Variants in CDH7 observed in about 807,000 individuals in gnomAD.
The protein encoded by CDH7 is cadherin-7.
Under a neutral mutation model 71.8 loss-of-function variants are expected in CDH7, and 25 were observed. The observed-to-expected ratio is 0.35, with a 90% CI of 0.25 to 0.49. The LOEUF (loss-of-function observed/expected upper bound fraction) is 0.49, where lower values mean the gene tolerates loss of function less well. CDH7 is among the 20% of genes least tolerant of loss of function. The pLI is 0.99. For missense variants in CDH7, 862 were observed against 974.6 expected, an observed-to-expected ratio of 0.88 and a Z score of 1.54; for synonymous variants, 381 against 363.8, an observed-to-expected ratio of 1.05 and a Z score of -0.54.
At chr18:65,837,994 G>T (rs1300504518) in intron 6 of CDH7, among the ~76,000 whole-genome samples, 3 of 144,558 alleles carry the variant, frequency 2.1e-5, no homozygotes, top group African/African-American at 7.8e-5. Context: ...GTACAATCTC[G>T]GCTCACTGCA....
chr18:65,826,730 T>C (rs1242184593), intron 6 of CDH7, among the ~76,000 whole-genome samples: 7 of 151,476 alleles, frequency 4.6e-5, no homozygotes, highest in African/African-American at 7.2e-5. Flanking sequence ...AAAAGAGTTA[T>C]TCAAAGGCCA....
chr18:65,880,469 G>A lies in CDH7; in HGVS notation c.1933G>A (p.Asp645Asn). The change falls in exon 12 of 12, where the codon GAC becomes AAC. Residue 645 changes from aspartate to asparagine, a missense_variant. Coordinates refer to ENST00000397968, the MANE Select transcript of CDH7 (RefSeq NM_004361.5). ...KEPLIFDEER[D>N]IRENIVRYDD... ...GCCCCTTATTTTTGACGAAGAAAGA[G>A]ACATCAGAGAAAATATTGTGAGATA... 6.3e-7 allele frequency: 1 copy of A among 1,589,942 alleles called. No homozygotes were observed. The highest frequency in any genetic ancestry group is 8.5e-7 in the Non-Finnish European group (1 of 1,173,098).
intron 2 of CDH7, among the ~76,000 whole-genome samples, chr18:65,801,890 G>A (rs1002777770): frequency 6.6e-6 from 1 of 152,192 alleles, no homozygotes; most frequent in African/African-American, 2.4e-5. Context: ...AATGGACAAA[G>A]CAGTGTAGTG....
At position 65,882,298 on chromosome 18, in the gene CDH7, T is replaced by C. The variant is rs574825408; in HGVS notation, c.*1404T>C. On this transcript the variant is annotated 3_prime_UTR_variant, in exon 12 of 12. Coordinates refer to ENST00000397968, the MANE Select transcript of CDH7 (RefSeq NM_004361.5). ...AGTATGACTTTCATGACCAAAATGA[T>C]GTTTCTACCTATTATTTTTCCTAGA... 29 of 152,264 alleles carry C rather than the reference T, an allele frequency of 1.9e-4. No individual in the cohort carries two copies. The highest frequency in any genetic ancestry group is 6.3e-4 in the African/African-American group (26 of 41,570). 9.4% of individuals were successfully genotyped at this position (152,264 alleles called of 1,614,324 possible). A position where few individuals can be genotyped will look rare whatever the true frequency, so the allele number is the denominator to read the frequency against.
At chr18:65,802,763 C>T (rs977321909) in intron 2 of CDH7, among the ~76,000 whole-genome samples, 2 of 152,148 alleles carry the variant, frequency 1.3e-5, no homozygotes, top group Non-Finnish European at 1.5e-5. Context: ...AGTTGTGGAT[C>T]TGGTCTGGAG....
At chr18:65,850,909 T>G (rs570185193) in intron 7 of CDH7, among the ~76,000 whole-genome samples, 1 of 151,278 alleles carries the variant, frequency 6.6e-6, no homozygotes, top group East Asian at 1.9e-4. Flanking sequence ...CCTTCTGGGC[T>G]CAGGTGATCC....
intron 2 of CDH7, among the ~76,000 whole-genome samples, chr18:65,802,622 C>A (rs1911165946): frequency 6.6e-6 from 1 of 152,154 alleles, no homozygotes; most frequent in Non-Finnish European, 1.5e-5. Context: ...GAGCAAGGTA[C>A]TCTCCTATCC....
intron 11 of CDH7, chr18:65,866,381 C>A: frequency 1.8e-5 from 1 of 55,450 alleles, no homozygotes; most frequent in Non-Finnish European, 3.5e-5. Context: ...GGACTTTAGA[C>A]TCTTAAAAAA....
intron 11 of CDH7, among the ~76,000 whole-genome samples, chr18:65,874,004 C>T (rs1484700): frequency 0.72 from 108,822 of 152,078 alleles, 39,807 homozygotes; most frequent in East Asian, 0.93. Flanking sequence ...TTGCCTATAA[C>T]TTATTAATCC....
intron 11 of CDH7, among the ~76,000 whole-genome samples, chr18:65,867,542 A>G (rs777866155): frequency 5.3e-5 from 8 of 152,200 alleles, no homozygotes; most frequent in Non-Finnish European, 1.0e-4. Context: ...AAAGGAGAAG[A>G]ATTTCAACTG....
intron 3 of CDH7, among the ~76,000 whole-genome samples, chr18:65,811,064 T>C (rs1568198035): frequency 6.6e-6 from 1 of 152,106 alleles, no homozygotes; most frequent in Non-Finnish European, 1.5e-5. Context: ...GTTATTAGAC[T>C]GGATGAGAGA....
chr18:65,824,363 G>T (rs1035580442), intron 5 of CDH7, among the ~76,000 whole-genome samples: 10 of 151,152 alleles, frequency 6.6e-5, no homozygotes, highest in Non-Finnish European at 1.2e-4. Context: ...TTATTTTTCA[G>T]TGTAGGATAT....
intron 2 of CDH7, among the ~76,000 whole-genome samples, chr18:65,806,273 A>C (rs1484721): frequency 0.6 from 90,300 of 149,296 alleles, 28,834 homozygotes; most frequent in East Asian, 0.97. Context: ...TATGCCTCTC[A>C]CTTTTTGTGC....
intron 1 of CDH7, among the ~76,000 whole-genome samples, chr18:65,751,358 G>A (rs1485767136): frequency 6.6e-6 from 1 of 152,264 alleles, no homozygotes; most frequent in Admixed American, 6.5e-5. Flanking sequence ...GGAGGCGGGG[G>A]CGTTTGGCCC....
chr18:65,781,980 C>CTCTCTCTTTCTCTCTT (rs1289756656), intron 2 of CDH7, among the ~76,000 whole-genome samples: 1 of 70,912 alleles, frequency 1.4e-5, no homozygotes, highest in Non-Finnish European at 2.5e-5. Flanking sequence ...CTCTCTCTCT[C>CTCTCTCTTTCTCTCTT]TCTCTCTTTC....
At chr18:65,761,646 G>C (rs1371757287) in intron 1 of CDH7, among the ~76,000 whole-genome samples, 2 of 151,964 alleles carry the variant, frequency 1.3e-5, no homozygotes, top group Non-Finnish European at 2.9e-5. Context: ...AGTGCAACAT[G>C]GTGATTTAAG....
At chr18:65,781,802 C>T (rs1368921523) in intron 2 of CDH7, among the ~76,000 whole-genome samples, 13 of 77,566 alleles carry the variant, frequency 1.7e-4, no homozygotes, top group African/African-American at 9.8e-4. Context: ...TTCCTTCCTT[C>T]CTTCCTTCCT....
intron 2 of CDH7, among the ~76,000 whole-genome samples, chr18:65,793,444 G>C (rs1309911519): frequency 6.6e-6 from 1 of 151,204 alleles, no homozygotes; most frequent in African/African-American, 2.4e-5. Context: ...GAGAGGGAGA[G>C]AGAGAAAGTC....
At chr18:65,755,334 A>G (rs921896547) in intron 1 of CDH7, among the ~76,000 whole-genome samples, 3 of 152,202 alleles carry the variant, frequency 2.0e-5, no homozygotes, top group African/African-American at 4.8e-5. Flanking sequence ...TCTAACATCT[A>G]TTGCAGCTCA....
Sources: allele counts gnomAD v4.1 joint callset (sites outside exome capture counted in the v4.1 genomes callset), GRCh38; gene constraint gnomAD v4.1.1; transcripts MANE v1.5; gene names NCBI Gene and HGNC (gene_info 2026-07-23, HGNC 2026-07-21).